The following CCDC171 variants were observed in gnomAD, a reference collection of about 807,000 sequenced individuals.
CCDC171 encodes coiled-coil domain containing 171, also known as coiled-coil domain-containing protein 171.
Under a neutral mutation model 168.2 loss-of-function variants are expected in CCDC171, and 177 were observed. The observed-to-expected ratio is 1.05, with a 90% CI of 0.93 to 1.19. The LOEUF (loss-of-function observed/expected upper bound fraction) is 1.19, where lower values mean the gene tolerates loss of function less well. Ranked by LOEUF, CCDC171 falls within the 50% of genes most tolerant of loss-of-function variation. CCDC171 has a pLI of 0.00. For missense variants in CCDC171, 1,991 were observed against 1,539.0 expected (o/e 1.29, Z -4.91); for synonymous variants, 687 against 540.8 (o/e 1.27, Z -3.75).
Position 15,877,223 on chromosome 9 carries a change from C to T in CCDC171, c.3600+2560C>T, listed in dbSNP as rs1395878320. ...ACAAACAAAAAGTAATGCTACTGAT[C>T]CCCGAGACTTGCAGTGGGATTGAAT... On this transcript the variant is annotated intron_variant, in intron 24 of 25. Coordinates refer to ENST00000380701, the MANE Select transcript of CCDC171 (RefSeq NM_173550.4). Among the ~76,000 whole-genome samples, 2 of 151,844 alleles carry T rather than the reference C, an allele frequency of 1.3e-5. 1 individual carries two copies. The highest frequency in any genetic ancestry group is 4.8e-5 in the African/African-American group (2 of 41,352).
intron 6 of CCDC171, among the ~76,000 whole-genome samples, chr9:16,029,173 G>T (rs1833326441): frequency 6.6e-6 from 1 of 152,126 alleles, no homozygotes; most frequent in African/African-American, 2.4e-5. Context: ...AGAGGAGAGA[G>T]AGGTCTTAGA....
At chr9:16,066,948 A>G in the CCDC171 span, among the ~76,000 whole-genome samples, 1 of 151,860 alleles carries the variant, frequency 6.6e-6, no homozygotes, top group African/African-American at 2.4e-5. Context: ...TTATAGCAGC[A>G]TGATTTATAG....
intron 7 of CCDC171, among the ~76,000 whole-genome samples, chr9:15,651,319 G>A (rs1371412610): frequency 6.6e-6 from 1 of 151,950 alleles, no homozygotes; most frequent in Non-Finnish European, 1.5e-5. Flanking sequence ...ATGTTGGCCA[G>A]CCTGGTCTTG....
At chr9:15,583,309 G>A (rs2041282212) in intron 4 of CCDC171, among the ~76,000 whole-genome samples, 1 of 151,878 alleles carries the variant, frequency 6.6e-6, no homozygotes, top group Non-Finnish European at 1.5e-5. Flanking sequence ...CAGCTACTTG[G>A]GAGGCTGAGG....
intron 3 of CCDC171, among the ~76,000 whole-genome samples, chr9:15,990,250 C>T (rs1054314581): frequency 2.0e-5 from 3 of 151,920 alleles, no homozygotes; most frequent in Non-Finnish European, 2.9e-5. Flanking sequence ...CTCTACAAGC[C>T]AGAAGAGAAG....
In CCDC171 at chr9:15,945,927, T is replaced by C. The variant is rs1382462255; in HGVS notation, c.3753+25505T>C. On this transcript the variant is annotated intron_variant, in intron 25 of 25. Transcript: ENST00000380701. ...ATTTTGCCTTTGGTTGCCATTGCTT[T>C]TGGTGTTTTAGACATGAAGTCCTTG... Among the ~76,000 whole-genome samples, 27 of 150,786 alleles carry C rather than the reference T, an allele frequency of 1.8e-4. 1 individual carries two copies. The highest frequency in any genetic ancestry group is 3.0e-5 in the Non-Finnish European group (2 of 67,632).
At chr9:15,992,350 G>T (rs1035178127) in intron 3 of CCDC171, among the ~76,000 whole-genome samples, 5 of 152,182 alleles carry the variant, frequency 3.3e-5, no homozygotes, top group African/African-American at 1.2e-4. Context: ...CTCAATAGAT[G>T]CAGAAAAGGC....
At chr9:15,640,596 A>G (rs1383956966) in intron 7 of CCDC171, among the ~76,000 whole-genome samples, 1 of 152,144 alleles carries the variant, frequency 6.6e-6, no homozygotes, top group Non-Finnish European at 1.5e-5. Context: ...ACACTCTGTC[A>G]TGTAGAAGTG....
At chr9:15,809,104 C>A (rs546657507) in intron 21 of CCDC171, among the ~76,000 whole-genome samples, 5 of 152,254 alleles carry the variant, frequency 3.3e-5, no homozygotes, top group South Asian at 2.1e-4. Context: ...ATTGCCATCA[C>A]CTTGGGAGTT....
At chr9:15,661,062 T>G (rs1399322186) in intron 8 of CCDC171, among the ~76,000 whole-genome samples, 2 of 152,066 alleles carry the variant, frequency 1.3e-5, no homozygotes, top group African/African-American at 4.8e-5. Flanking sequence ...GGGTGGATCA[T>G]GAGGTCAGGA....
chr9:15,679,994 T>C (rs1467124470), intron 10 of CCDC171, among the ~76,000 whole-genome samples: 1 of 152,210 alleles, frequency 6.6e-6, no homozygotes, highest in Non-Finnish European at 1.5e-5. Context: ...TCTGTGAAGC[T>C]TTCTGTGATT....
intron 3 of CCDC171, among the ~76,000 whole-genome samples, chr9:15,988,531 A>G (rs1832075796): frequency 6.6e-6 from 1 of 152,058 alleles, no homozygotes; most frequent in South Asian, 2.1e-4. Flanking sequence ...TCCATTTCCA[A>G]CTGAGGTACC....
chr9:15,859,039 G>A (rs1465838983), intron 23 of CCDC171, among the ~76,000 whole-genome samples: 1 of 151,846 alleles, frequency 6.6e-6, no homozygotes, highest in Non-Finnish European at 1.5e-5. Context: ...TATGGCCTTT[G>A]GTGTGTTCAG....
At position 15,882,464 on chromosome 9, in the gene CCDC171, T is replaced by A. The variant is rs191356110; in HGVS notation, c.3600+7801T>A. Among the ~76,000 whole-genome samples the A allele has an allele frequency of 2.0e-5, 3 of 152,308 alleles. No individual in the cohort carries two copies. In the East Asian group the frequency reaches 5.8e-4, roughly 29 times the overall value. On this transcript the variant is annotated intron_variant, in intron 24 of 25. Coordinates refer to ENST00000380701, the MANE Select transcript of CCDC171 (RefSeq NM_173550.4). ...ACTTGATGTAATCCCATTTTTCTAT[T>A]TTTGGCTTGGTTGTCTGTGTTTTTA...
intron 3 of CCDC171, among the ~76,000 whole-genome samples, chr9:15,984,754 C>T (rs1459061611): frequency 5.3e-5 from 8 of 152,020 alleles, no homozygotes; most frequent in Non-Finnish European, 1.0e-4. Context: ...ACAAAATCTG[C>T]TCTATAAATT....
chr9:15,690,604 A>G (rs1219582528), intron 10 of CCDC171, among the ~76,000 whole-genome samples: 1 of 152,172 alleles, frequency 6.6e-6, no homozygotes, highest in African/African-American at 2.4e-5. Context: ...TTGGAGTAAA[A>G]GGAAAATATG....
At chr9:15,586,129 G>A (rs1587162083) in intron 4 of CCDC171, among the ~76,000 whole-genome samples, 1 of 152,292 alleles carries the variant, frequency 6.6e-6, no homozygotes, top group East Asian at 1.9e-4. Context: ...CCTGATGTTT[G>A]CAACTTGCTT....
chr9:15,999,139 A>G (rs1158762127), intron 3 of CCDC171, among the ~76,000 whole-genome samples: 1 of 151,682 alleles, frequency 6.6e-6, no homozygotes. Flanking sequence ...TGAGTCCAAG[A>G]GTTTGAGGCT....
chr9:15,912,075 A>G (rs1457485548), intron 24 of CCDC171, among the ~76,000 whole-genome samples: 2 of 152,116 alleles, frequency 1.3e-5, no homozygotes, highest in Non-Finnish European at 2.9e-5. Flanking sequence ...TGTTTTTCTA[A>G]CTCTGTGAAG....
Sources: allele counts gnomAD v4.1 joint callset (sites outside exome capture counted in the v4.1 genomes callset), GRCh38; gene constraint gnomAD v4.1.1; transcripts MANE v1.5; gene names NCBI Gene and HGNC (gene_info 2026-07-23, HGNC 2026-07-21).